Variants in RRP1B observed in about 807,000 individuals in gnomAD.
RRP1B encodes ribosomal RNA processing protein 1 homolog B.
RRP1B carries 56 observed loss-of-function variants against 80.2 expected under a neutral mutation model. The observed-to-expected ratio is 0.70, with a 90% confidence interval of 0.56 to 0.87. The LOEUF is 0.87. Ranked by LOEUF, RRP1B falls within the 40% of genes least tolerant of loss-of-function variation. The pLI, the probability that RRP1B is intolerant of heterozygous loss-of-function variation, is 0.00. For missense variants in RRP1B, 807 were observed against 939.8 expected (o/e 0.86, Z 1.85); for synonymous variants, 351 against 357.6 (o/e 0.98, Z 0.21).
chr21:43,695,300 C>A lies in RRP1B; in HGVS notation c.*1917C>A, dbSNP rs1231853618. 1 of 152,188 alleles carries A rather than the reference C, an allele frequency of 6.6e-6. No individual in the cohort carries two copies. The highest frequency in any genetic ancestry group is 1.9e-4 in the East Asian group (1 of 5,180). 9.4% of individuals were successfully genotyped at this position (152,188 alleles called of 1,614,324 possible). A position where few individuals can be genotyped will look rare whatever the true frequency, so the allele number is the denominator to read the frequency against. On this transcript the variant is annotated 3_prime_UTR_variant, in exon 16 of 16. Transcript: ENST00000340648. ...ACATTGTTGAGATGTCTTAGGACAT[C>A]TAAGGCAAAACTGGCACATTTGTTC...
At chr21:43,671,386 T>A (rs1030296298) in intron 2 of RRP1B, among the ~76,000 whole-genome samples, 3 of 150,848 alleles carry the variant, frequency 2.0e-5, no homozygotes, top group Non-Finnish European at 3.0e-5. Flanking sequence ...TTTTTTTTTT[T>A]ACAGAGTTTC....
At position 43,693,444 on chromosome 21, in the gene RRP1B, T is replaced by A; in HGVS notation, c.*61T>A. On this transcript the variant is annotated 3_prime_UTR_variant, in exon 16 of 16. Coordinates refer to ENST00000340648, the MANE Select transcript of RRP1B (RefSeq NM_015056.3). The surrounding 1 kb of genome is among the most constrained non-coding windows in gnomAD (Gnocchi z 4.1). ...TACAGAATGCGCTATAAATTATACC[T>A]TTAAGAATGTGGGGCCTTTTTTATG... is the stretch of plus-strand genomic sequence containing the variant. The A allele has an allele frequency of 7.2e-7, 1 of 1,394,678 alleles. No homozygotes were observed. The highest frequency in any genetic ancestry group is 9.5e-7 in the Non-Finnish European group (1 of 1,052,166). The allele number at this position is 1,394,678 out of a possible 1,614,324, so 86.4% of individuals were successfully genotyped here. A position where few individuals can be genotyped will look rare whatever the true frequency, so the allele number is the denominator to read the frequency against.
chr21:43,685,028 C>A lies in RRP1B; in HGVS notation c.989+378C>A, dbSNP rs556038863. Among the ~76,000 whole-genome samples, 4 of 152,202 alleles carry A rather than the reference C, an allele frequency of 2.6e-5. No individual in the cohort carries two copies. In the East Asian group the frequency reaches 7.7e-4, roughly 29 times the overall value. ...CTCCCCTCCCTCCCATATGGCTATG[C>A]CAAAAGTGTTAGTTAATTCAGCTGT... On this transcript the variant is annotated intron_variant, in intron 10 of 15. Coordinates refer to ENST00000340648, the MANE Select transcript of RRP1B (RefSeq NM_015056.3).
intron 6 of RRP1B, among the ~76,000 whole-genome samples, chr21:43,675,474 A>G (rs1488907548): frequency 6.6e-6 from 1 of 152,192 alleles, no homozygotes; most frequent in African/African-American, 2.4e-5. Flanking sequence ...AGCTATGCAA[A>G]TGGTAGACAT....
chr21:43,688,994 T>C (rs960921923), intron 13 of RRP1B, among the ~76,000 whole-genome samples: 1 of 152,276 alleles, frequency 6.6e-6, no homozygotes, highest in Non-Finnish European at 1.5e-5. Context: ...TTTGCCTTGT[T>C]GCCCAGGCTG....
At chr21:43,666,240 C>T (rs572187107) in intron 1 of RRP1B, among the ~76,000 whole-genome samples, 25 of 152,254 alleles carry the variant, frequency 1.6e-4, no homozygotes, top group South Asian at 1.0e-3. Flanking sequence ...TTCTAGCTCT[C>T]TCCTTACTGG....
At chr21:43,689,134 CGTA>C (rs2083076217) in intron 13 of RRP1B, among the ~76,000 whole-genome samples, 1 of 152,214 alleles carries the variant, frequency 6.6e-6, no homozygotes, top group Non-Finnish European at 1.5e-5. Context: ...GGCCGGCAAA[CGTA>C]GTGTCACTGC....
intron 6 of RRP1B, among the ~76,000 whole-genome samples, chr21:43,675,989 G>A (rs1234057645): frequency 2.0e-5 from 3 of 151,962 alleles, no homozygotes; most frequent in South Asian, 4.1e-4. Context: ...TCACAAGATT[G>A]GACACCCGTG....
intron 1 of RRP1B, among the ~76,000 whole-genome samples, chr21:43,660,585 G>A (rs1039100366): frequency 2.0e-5 from 3 of 152,122 alleles, no homozygotes; most frequent in Non-Finnish European, 4.4e-5. Context: ...AAAGAAAAAA[G>A]GAAAAAGAAA....
At chr21:43,673,082 G>A (rs951578474) in intron 3 of RRP1B, among the ~76,000 whole-genome samples, 4 of 152,186 alleles carry the variant, frequency 2.6e-5, no homozygotes, top group South Asian at 2.1e-4. Flanking sequence ...GTTTTGTACC[G>A]TAGCTCACCC....
chr21:43,683,361 G>A lies in RRP1B; in HGVS notation c.879G>A (p.Gly293=), dbSNP rs143812792. 36 of 1,613,486 alleles carry A rather than the reference G, an allele frequency of 2.2e-5. No homozygotes were observed. In the African/African-American group the frequency reaches 3.6e-4, roughly 16 times the overall value. ...RDDCGTFEDT[G]PLLQFDYKAV... is the part of the protein sequence containing the mutation. ...ACTGTGGAACCTTTGAGGACACAGG[G>A]CCCCTTCTCCAGGTGGGTAGCAGTT... Residue 293 remains glycine, a synonymous_variant, in exon 9 of 16, where the codon GGG becomes GGA. Coordinates refer to ENST00000340648, the MANE Select transcript of RRP1B (RefSeq NM_015056.3).
intron 8 of RRP1B, among the ~76,000 whole-genome samples, chr21:43,680,302 G>A (rs553144790): frequency 6.6e-6 from 1 of 152,088 alleles, no homozygotes; most frequent in Non-Finnish European, 1.5e-5. Context: ...GCCCAGGCCC[G>A]TAATCCCAGC....
Position 43,673,939 on chromosome 21 carries a change from T to A in RRP1B, c.341T>A (p.Leu114Gln). Residue 114 changes from leucine (L) to glutamine (Q), a missense_variant, in exon 4 of 16, where the codon CTG (leucine) becomes CAG (glutamine). Leu to Gln is a moderately radical substitution (Grantham distance 113). Transcript: ENST00000340648. ...TGGAAAGGAATAGACAGGCTACGCC[T>A]GGACAAATACTATATGGTAAGATCT... is the stretch of plus-strand genomic sequence containing the variant. ...REWKGIDRLR[L>Q]DKYYMLIRLV... 1 of 1,611,574 alleles carries A rather than the reference T, an allele frequency of 6.2e-7. No homozygotes were observed. The highest frequency in any genetic ancestry group is 8.5e-7 in the Non-Finnish European group (1 of 1,178,444).
At chr21:43,661,303 TACCTGGCACCTCACACTC>T (rs1163379915) in intron 1 of RRP1B, among the ~76,000 whole-genome samples, 1 of 152,204 alleles carries the variant, frequency 6.6e-6, no homozygotes, top group African/African-American at 2.4e-5. Flanking sequence ...CTGGCTTCTC[TACCTGGCACCTCACACTC>T]AGGATGCCAA....
chr21:43,668,761 G>A (rs1212974255), intron 1 of RRP1B, among the ~76,000 whole-genome samples: 3 of 152,034 alleles, frequency 2.0e-5, no homozygotes, highest in Non-Finnish European at 2.9e-5. Context: ...GCACTTTGTT[G>A]CTCCAAAAGA....
Position 43,659,941 on chromosome 21 carries a change from C to A in RRP1B, c.130+147C>A. 1.1e-6 allele frequency: 1 copy of A among 915,366 alleles called. No individual in the cohort carries two copies. The highest frequency in any genetic ancestry group is 2.4e-5 in the South Asian group (1 of 42,018). The allele number at this position is 915,366 out of a possible 1,614,324, so 56.7% of individuals were successfully genotyped here. On this transcript the variant is annotated intron_variant, in intron 1 of 15. Coordinates refer to ENST00000340648, the MANE Select transcript of RRP1B (RefSeq NM_015056.3). This position sits in a 1 kb window ranked among gnomAD's most constrained non-coding sequence, Gnocchi z 4.2. ...TTCGGTTTCCGCGCTGCCGGAACCGCTTCTTGCTGTGTCTAGTGCCTTTTT... is the reference window on the plus strand; with the variant it reads ...TTCGGTTTCCGCGCTGCCGGAACCGATTCTTGCTGTGTCTAGTGCCTTTTT...
Position 43,691,138 on chromosome 21 carries a change from C to T in RRP1B, c.2020-301C>T, listed in dbSNP as rs1469426129. ...CCTTTCTTCCCTGGATCGTAGAACC[C>T]TGCAGCGGTAATGAGGCAGTGACCG... On this transcript the variant is annotated intron_variant, in intron 14 of 15. Coordinates refer to ENST00000340648, the MANE Select transcript of RRP1B (RefSeq NM_015056.3). This position sits in a 1 kb window ranked among gnomAD's most constrained non-coding sequence, Gnocchi z 4.2. Among the ~76,000 whole-genome samples, 1 of 152,148 alleles carries T rather than the reference C, an allele frequency of 6.6e-6. No individual in the cohort carries two copies. The highest frequency in any genetic ancestry group is 2.4e-5 in the African/African-American group (1 of 41,430).
chr21:43,692,948 C>T (rs2080865391), intron 15 of RRP1B, among the ~76,000 whole-genome samples: 1 of 152,174 alleles, frequency 6.6e-6, no homozygotes, highest in African/African-American at 2.4e-5. Context: ...AGCAGCTCCC[C>T]TTAGTCTGTG....
chr21:43,693,100 G>A lies in RRP1B; in HGVS notation c.2084-90G>A, dbSNP rs1208025469. On this transcript the variant is annotated intron_variant, in intron 15 of 15. Transcript: ENST00000340648. This position sits in a 1 kb window ranked among gnomAD's most constrained non-coding sequence, Gnocchi z 4.1. ...CTGCTTCGTCCTAGCAAGTGGGTGG[G>A]GTCGGCACCCAGGCAGGACGCTGTC... is the stretch of plus-strand genomic sequence containing the variant. 5.1e-6 allele frequency: 7 copies of A among 1,368,078 alleles called. No individual in the cohort carries two copies. The highest frequency in any genetic ancestry group is 7.2e-6 in the Non-Finnish European group (7 of 977,364). 84.7% of individuals were successfully genotyped at this position (1,368,078 alleles called of 1,614,324 possible).
Sources: allele counts gnomAD v4.1 joint callset (sites outside exome capture counted in the v4.1 genomes callset), GRCh38; gene constraint gnomAD v4.1.1; non-coding constraint Gnocchi (gnomAD v3.1); transcripts MANE v1.5; gene names NCBI Gene and HGNC (gene_info 2026-07-23, HGNC 2026-07-21).